PLCB2: variants seen among roughly 807,000 people sequenced by gnomAD.
The protein encoded by PLCB2 is 1-phosphatidylinositol 4,5-bisphosphate phosphodiesterase beta-2.
In PLCB2, 115 loss-of-function variants were observed where a neutral mutation model predicts 141.7. The ratio of observed to expected loss-of-function variants is 0.81; its 90% CI spans 0.70 to 0.95. PLCB2 has a LOEUF of 0.95. PLCB2 is among the 40% of genes least tolerant of loss of function. The probability of loss-of-function intolerance (pLI) is 0.00; values close to 1 mark genes in which losing one functional copy is unlikely to be tolerated. For synonymous variants in PLCB2, 603 were observed against 595.6 expected (o/e 1.01, Z -0.18); for missense variants, 1,403 against 1,541.1 (o/e 0.91, Z 1.50).
chr15:40,291,124 T>C lies in PLCB2; in HGVS notation c.2930A>G (p.Asp977Gly). 3 of 1,577,592 alleles carry C rather than the reference T, an allele frequency of 1.9e-6. No homozygotes were observed. Among genetic ancestry groups the C allele is most frequent in the Non-Finnish European group, 2.6e-6 (3 of 1,169,770 alleles). Residue 977 changes from aspartate (D) to glycine (G), a missense_variant, in exon 27 of 32, where the codon GAC becomes GGC. Physicochemically the swap from Asp to Gly is moderately conservative, Grantham distance 94. This residue lies in a region of PLCB2 where 290 missense variants were observed against 245.9 expected (regional missense o/e 1.18). Coordinates refer to ENST00000260402, the MANE Select transcript of PLCB2 (RefSeq NM_004573.3). ...AAPGEGPEGV[D>G]GRVRELKDRL... is the part of the protein sequence containing the mutation. ...GTCTTTCAGCTCCCGCACGCGCCCG[T>C]CCACGCCCTCAGGGCCCTCGCCCGG...
chr15:40,307,727 C>G lies in PLCB2; in HGVS notation c.-55G>C. On this transcript the variant is annotated 5_prime_UTR_variant, in exon 1 of 32. Coordinates refer to ENST00000260402, the MANE Select transcript of PLCB2 (RefSeq NM_004573.3). ...CAGCAGACACAGGCAGGCAGAAGGG[C>G]AGGAAGGAGGCCAGCCAGGAGGGGG... The G allele has an allele frequency of 2.0e-6, 3 of 1,476,208 alleles. No individual in the cohort carries two copies. The highest frequency in any genetic ancestry group is 1.8e-4 in the Middle Eastern group (1 of 5,592). The allele number at this position is 1,476,208 out of a possible 1,614,324, so 91.4% of individuals were successfully genotyped here.
rs748878920 is a variant in PLCB2, at chr15:40,291,116, C to G, written c.2938G>C (p.Val980Leu). 4 of 1,580,060 alleles carry G rather than the reference C, an allele frequency of 2.5e-6. No individual in the cohort carries two copies. The highest frequency in any genetic ancestry group is 4.6e-5 in the East Asian group (2 of 43,532). The change falls in exon 27 of 32, where the codon GTG (valine) becomes CTG (leucine). Residue 980 changes from valine to leucine, a missense_variant. This residue lies in a region of PLCB2 where 290 missense variants were observed against 245.9 expected (regional missense o/e 1.18). Transcript: ENST00000260402. ...GEGPEGVDGRVRELKDRLELE... is the reference protein window; with the variant it reads ...GEGPEGVDGRLRELKDRLELE... ...TCCAGCCTGTCTTTCAGCTCCCGCA[C>G]GCGCCCGTCCACGCCCTCAGGGCCC...
At chr15:40,296,494 A>G in intron 15 of PLCB2, 28 bp downstream of exon 15, 3 of 1,613,842 alleles carry the variant, frequency 1.9e-6, no homozygotes, top group Non-Finnish European at 2.5e-6. Flanking sequence ...AGGATGACAC[A>G]GAGGGGCCTG....
rs2039921139 is a variant in PLCB2, at chr15:40,291,474, GGC to G, written c.2659_2660del (p.Ala887GlnfsTer87). ...TTAGCTCCCGGAGCTCCTCCAGGCT[GGC>G]GGTCCGCGGCTCTGCGGAGGCCCGG... ...AMKEAAEPRT[A>X]SLEELRELKG... On this transcript the variant is annotated frameshift_variant, in exon 26 of 32. Transcript: ENST00000260402. LOFTEE classifies it high-confidence loss of function. The G allele has an allele frequency of 6.4e-7, 1 of 1,569,848 alleles. No homozygotes were observed. Among genetic ancestry groups the G allele is most frequent in the Non-Finnish European group, 8.6e-7 (1 of 1,163,342 alleles).
Position 40,291,471 on chromosome 15 carries a change from G to A in PLCB2, c.2664C>T (p.Ser888=), listed in dbSNP as rs1294254024. ...MKEAAEPRTA[S]LEELRELKGV... Reference sequence around the variant, plus strand: ...CCTTTAGCTCCCGGAGCTCCTCCAGGCTGGCGGTCCGCGGCTCTGCGGAGG... The same window carrying A: ...CCTTTAGCTCCCGGAGCTCCTCCAGACTGGCGGTCCGCGGCTCTGCGGAGG... Residue 888 remains serine (S), a synonymous_variant, in exon 26 of 32, where the codon AGC becomes AGT. Transcript: ENST00000260402. 2.5e-6 allele frequency: 4 copies of A among 1,569,682 alleles called. No homozygotes were observed. Among genetic ancestry groups the A allele is most frequent in the Non-Finnish European group, 3.4e-6 (4 of 1,163,246 alleles).
Position 40,288,721 on chromosome 15 carries a change from G to A in PLCB2, c.3552C>T (p.Arg1184=). The change falls in exon 32 of 32, where the codon CGC becomes CGT. Residue 1184 remains arginine (R), a synonymous_variant. Transcript: ENST00000260402. ...TCCCAGTGGGATGGGGGCATCAGAG[G>A]CGGCTCTCCTGGGCATCTGCCTTTG... ...LIAKADAQES[R]L 6.3e-7 allele frequency: 1 copy of A among 1,586,344 alleles called. No homozygotes were observed. The highest frequency in any genetic ancestry group is 1.1e-5 in the South Asian group (1 of 89,660).
rs1366274815 is a variant in PLCB2, at chr15:40,294,341, G to A, written c.1986C>T (p.Arg662=). The A allele has an allele frequency of 6.2e-7, 1 of 1,614,050 alleles. No individual in the cohort carries two copies. The highest frequency in any genetic ancestry group is 1.3e-5 in the African/African-American group (1 of 74,940). The change falls in exon 19 of 32, where the codon CGC becomes CGT. Residue 662 remains arginine, a synonymous_variant. Transcript: ENST00000260402. ...AGGGGTTGAACTGCTTGTCCGGCCG[G>A]CGCATGAACTCATGCTTGAGGAGGT... is the stretch of plus-strand genomic sequence containing the variant. ...SGYLLKHEFM[R]RPDKQFNPFS...
intron 2 of PLCB2, 152 bp downstream of exon 2, chr15:40,303,849 A>G: frequency 1.7e-6 from 1 of 592,466 alleles, no homozygotes; most frequent in Non-Finnish European, 3.1e-6. Flanking sequence ...CAGAGCAAAG[A>G]GCCCCTGCCT....
chr15:40,307,864 G>A lies in PLCB2; in HGVS notation c.-192C>T. Reference sequence around the variant, plus strand: ...GTGCAGGACTGAGCTGTAGCCAGAGGCCCATCTGCCTTGTAAATCACCCTC... The same window carrying A: ...GTGCAGGACTGAGCTGTAGCCAGAGACCCATCTGCCTTGTAAATCACCCTC... On this transcript the variant is annotated 5_prime_UTR_variant, in exon 1 of 32. Transcript: ENST00000260402. 1 of 404,998 alleles carries A rather than the reference G, an allele frequency of 2.5e-6. No individual in the cohort carries two copies. Among genetic ancestry groups the A allele is most frequent in the Non-Finnish European group, 4.4e-6 (1 of 229,080 alleles). The allele number at this position is 404,998 out of a possible 1,614,324, so 25.1% of individuals were successfully genotyped here.
rs946334436 is a variant in PLCB2, at chr15:40,307,914, G to A, written c.-242C>T. The A allele has an allele frequency of 1.1e-4, 39 of 365,890 alleles. No individual in the cohort carries two copies. The highest frequency in any genetic ancestry group is 6.3e-4 in the African/African-American group (30 of 47,830). The allele number at this position is 365,890 out of a possible 1,614,324, so 22.7% of individuals were successfully genotyped here. ...CCTCCCACCCGCCCTGCCTGCCATGGGGGCCTGTGGTCACTGCTTCTGCCC... is the reference window on the plus strand; with the variant it reads ...CCTCCCACCCGCCCTGCCTGCCATGAGGGCCTGTGGTCACTGCTTCTGCCC... On this transcript the variant is annotated 5_prime_UTR_variant, in exon 1 of 32. Coordinates refer to ENST00000260402, the MANE Select transcript of PLCB2 (RefSeq NM_004573.3).
chr15:40,295,370 C>G (rs2040152778), intron 16 of PLCB2, 85 bp from the exon 17 acceptor site: 3 of 920,530 alleles, frequency 3.3e-6, no homozygotes, highest in Non-Finnish European at 5.4e-6. Context: ...GCAGCTCCCT[C>G]TGGCCTATAG....
downstream of PLCB2, chr15:40,285,477 T>C: frequency 1.1e-6 from 1 of 936,852 alleles, no homozygotes; most frequent in Non-Finnish European, 1.3e-6. Flanking sequence ...AGTTATTTCA[T>C]TTTTTTTATT....
In PLCB2 at chr15:40,294,407, C is replaced by T; in HGVS notation, c.1920G>A (p.Gln640=). ...TGAACTCAAATACTGCCATGTTCTG[C>T]TGCATGGGCAAGTCTGGAGGGACAA... ...LNFQTMDLPM[Q]QNMAVFEFNG... Residue 640 remains glutamine (Q), a synonymous_variant, in exon 19 of 32, where the codon CAG becomes CAA. Transcript: ENST00000260402. 3.7e-6 allele frequency: 6 copies of T among 1,614,164 alleles called. No homozygotes were observed. The Admixed American group carries it at 1.0e-4, about 27-fold the overall frequency.
At chr15:40,291,750 CT>C (rs1267080160) in intron 24 of PLCB2, 98 bp downstream of exon 24, 2 of 1,602,262 alleles carry the variant, frequency 1.2e-6, no homozygotes, top group Non-Finnish European at 1.7e-6. Context: ...TATGTGCCCC[CT>C]GCCCCGCACT....
chr15:40,289,401 G>C (rs765629528), intron 30 of PLCB2, 43 bp from the exon 31 acceptor site: 1 of 1,441,218 alleles, frequency 6.9e-7, no homozygotes, highest in Non-Finnish European at 9.8e-7. Flanking sequence ...AACACAGACA[G>C]GCAAGCTGGG....
chr15:40,304,813 C>T (rs960544863), intron 1 of PLCB2, among the ~76,000 whole-genome samples: 1 of 151,984 alleles, frequency 6.6e-6, no homozygotes, highest in Non-Finnish European at 1.5e-5. Flanking sequence ...TGAATGAACT[C>T]ACCTTCTAAA....
At chr15:40,290,519 G>A in intron 29 of PLCB2, 58 bp downstream of exon 29, 1 of 1,160,216 alleles carries the variant, frequency 8.6e-7, no homozygotes, top group Non-Finnish European at 1.3e-6. Context: ...TTGTAGAGAG[G>A]CCCCTTTCCA....
Position 40,304,002 on chromosome 15 carries a change from T to A in PLCB2, c.161A>T (p.Lys54Met), listed in dbSNP as rs746467888. The A allele has an allele frequency of 1.3e-6, 2 of 1,580,110 alleles. No individual in the cohort carries two copies. The highest frequency in any genetic ancestry group is 2.3e-5 in the South Asian group (2 of 86,576). ...GYYLYWTYQSKEMEFLDITSI... is the reference protein window; with the variant it reads ...GYYLYWTYQSMEMEFLDITSI... ...CATGGCACACAAGGGTTTTCTCACC[T>A]TACTTTGATACGTCCAGTATAAGTA... is the stretch of plus-strand genomic sequence containing the variant. Residue 54 changes from lysine to methionine, a missense_variant and splice_region_variant, in exon 2 of 32, where the codon AAG becomes ATG. Coordinates refer to ENST00000260402, the MANE Select transcript of PLCB2 (RefSeq NM_004573.3).
At chr15:40,304,112 G>A in intron 1 of PLCB2, 34 bp from the exon 2 acceptor site, 1 of 1,484,778 alleles carries the variant, frequency 6.7e-7, no homozygotes, top group Non-Finnish European at 9.3e-7. Flanking sequence ...TCTGTTCCAA[G>A]ACCTCAGGCC....
Sources: gnomAD v4.1 joint callset for allele counts (sites outside exome capture counted in the v4.1 genomes callset) on GRCh38, gnomAD v4.1.1 for gene constraint, gnomAD v4.1.1 regional missense constraint, MANE v1.5 for transcripts, NCBI Gene and HGNC (gene_info 2026-07-23, HGNC 2026-07-21) for gene names.